The following GSDMD variants were observed in gnomAD, a reference collection of about 807,000 sequenced individuals.
GSDMD encodes gasdermin-D.
A neutral mutation model predicts 46.7 loss-of-function variants in GSDMD; 46 were observed. The observed-to-expected ratio is 0.99, with a 90% confidence interval of 0.78 to 1.26. GSDMD has a LOEUF of 1.26. GSDMD is among the 50% of genes most tolerant of loss of function. The pLI is 0.00. For synonymous variants in GSDMD, 307 were observed against 283.1 expected (o/e 1.08, Z -0.85); for missense variants, 649 against 638.8 (o/e 1.02, Z -0.17).
chr8:143,560,606 C>T lies in GSDMD; in HGVS notation c.414C>T (p.His138=). ...CTTTGCTGCTCCTCGGACACAGGCACCTGCGGCAGCCAGAACACAAAGTCC... is the reference window on the plus strand; with the variant it reads ...CTTTGCTGCTCCTCGGACACAGGCATCTGCGGCAGCCAGAACACAAAGTCC... ...NTWQTLLHER[H]LRQPEHKVLQ... The change falls in exon 4 of 11, where the codon CAC becomes CAT. Residue 138 remains histidine, a synonymous_variant. Transcript: ENST00000262580. 1 of 1,580,276 alleles carries T rather than the reference C, an allele frequency of 6.3e-7. No individual in the cohort carries two copies. The highest frequency in any genetic ancestry group is 8.6e-7 in the Non-Finnish European group (1 of 1,163,268).
Position 143,562,536 on chromosome 8 carries a change from T to C in GSDMD, c.1212+15T>C. The C allele has an allele frequency of 6.2e-7, 1 of 1,605,026 alleles. No homozygotes were observed. Among genetic ancestry groups the C allele is most frequent in the South Asian group, 1.1e-5 (1 of 90,654 alleles). The stretch of plus-strand genomic sequence containing the variant: ...CGCTCGAGCTGGTGAGAGGGTTGGG[T>C]TCGGGCTGCAGGAGGATGGGCTGAG... On this transcript the variant is annotated intron_variant, in intron 10 of 10. Coordinates refer to ENST00000262580, the MANE Select transcript of GSDMD (RefSeq NM_024736.7).
At chr8:143,558,100 G>T (rs1290511121), upstream of GSDMD, 1 of 505,948 alleles carries the variant, frequency 2.0e-6, no homozygotes, top group African/African-American at 2.0e-5. Context: ...CACCATGTTG[G>T]TCAGTCTGGT....
chr8:143,558,166 A>G, upstream of GSDMD: 2 of 711,846 alleles, frequency 2.8e-6, no homozygotes, highest in Non-Finnish European at 2.2e-6. Flanking sequence ...GTTTTAAGAA[A>G]AACCACAAAG....
chr8:143,561,758 G>C lies in GSDMD; in HGVS notation c.753G>C (p.Thr251=), dbSNP rs374696339. ...QPPATGHKRS[T]SEGAWPQLPS... Reference sequence around the variant, plus strand: ...CCTGCCCAGGCCACAAGCGTTCCACGAGCGAAGGCGCCTGGCCACAGCTGC... The same window carrying C: ...CCTGCCCAGGCCACAAGCGTTCCACCAGCGAAGGCGCCTGGCCACAGCTGC... The change falls in exon 7 of 11, where the codon ACG becomes ACC. Residue 251 remains threonine (T), a synonymous_variant. Coordinates refer to ENST00000262580, the MANE Select transcript of GSDMD (RefSeq NM_024736.7). 13 of 1,608,620 alleles carry C rather than the reference G, an allele frequency of 8.1e-6. No individual in the cohort carries two copies. The highest frequency in any genetic ancestry group is 6.7e-5 in the African/African-American group (5 of 74,794).
chr8:143,557,738 C>G, upstream of GSDMD: 1 of 291,928 alleles, frequency 3.4e-6, no homozygotes, highest in Non-Finnish European at 6.8e-6. Context: ...ATACGACCAT[C>G]TTTGTCAGTG....
intron 6 of GSDMD, 24 bp from the exon 7 acceptor site, chr8:143,561,718 C>A: frequency 6.3e-7 from 1 of 1,583,062 alleles, no homozygotes. Flanking sequence ...CTGACCAGCC[C>A]TGCCCTCCCA....
chr8:143,559,765 G>A lies in GSDMD; in HGVS notation c.218-12G>A. Reference sequence around the variant, plus strand: ...GGCGCTGGGCACAGCCTCAGGTCTGGCCTTGCTTTAGACGTGCAGCGTGGC... The same window carrying A: ...GGCGCTGGGCACAGCCTCAGGTCTGACCTTGCTTTAGACGTGCAGCGTGGC... On this transcript the variant is annotated splice_polypyrimidine_tract_variant and intron_variant, in intron 2 of 10. Coordinates refer to ENST00000262580, the MANE Select transcript of GSDMD (RefSeq NM_024736.7). The A allele has an allele frequency of 6.3e-7, 1 of 1,580,988 alleles. No individual in the cohort carries two copies. Among genetic ancestry groups the A allele is most frequent in the Non-Finnish European group, 8.6e-7 (1 of 1,163,634 alleles).
At position 143,559,861 on chromosome 8, in the gene GSDMD, A is replaced by C. The variant is rs751112084; in HGVS notation, c.302A>C (p.Gln101Pro). The change falls in exon 3 of 11, where the codon CAG becomes CCG. Residue 101 changes from glutamine to proline, a missense_variant. Transcript: ENST00000262580. ...AGCGTGGAGCTGGCAGCCCCAGGAC[A>C]GGCAAAGATCGCAGGCGGGGCCGCG... ...QGSVELAAPG[Q>P]AKIAGGAAVS... 5 of 1,612,670 alleles carry C rather than the reference A, an allele frequency of 3.1e-6. No individual in the cohort carries two copies. In the African/African-American group the frequency reaches 4.0e-5, roughly 13 times the overall value.
At chr8:143,557,635 CCA>C (rs1318635513), upstream of GSDMD, among the ~76,000 whole-genome samples, 1 of 152,232 alleles carries the variant, frequency 6.6e-6, no homozygotes. Context: ...CAGGCTTATT[CCA>C]GAGGGCCGCA....
At chr8:143,559,291 C>A in intron 1 of GSDMD, 41 bp from the exon 2 acceptor site, 9 of 753,780 alleles carry the variant, frequency 1.2e-5, no homozygotes, top group South Asian at 9.5e-5. Context: ...CCCTCCCGCC[C>A]GCCCCGAGAG....
Position 143,561,679 on chromosome 8 carries a change from CTCTCTGGCTCAGACACCCT to C in GSDMD, c.737-60_737-42del, listed in dbSNP as rs1823464709. 18 of 1,367,086 alleles carry C rather than the reference CTCTCTGGCTCAGACACCCT, an allele frequency of 1.3e-5. No homozygotes were observed. In the South Asian group the frequency reaches 2.2e-4, roughly 17 times the overall value. 84.7% of individuals were successfully genotyped at this position (1,367,086 alleles called of 1,614,324 possible). ...TGACGGCCTGGGGAAGGCCTCAGCC[CTCTCTGGCTCAGACACCCT>C]TCCCCGGCACTGACCAGCCCTGCCC... is the stretch of plus-strand genomic sequence containing the variant. On this transcript the variant is annotated intron_variant, in intron 6 of 10. Coordinates refer to ENST00000262580, the MANE Select transcript of GSDMD (RefSeq NM_024736.7).
At chr8:143,556,403 G>A (rs542630414), upstream of GSDMD, among the ~76,000 whole-genome samples, 1 of 152,148 alleles carries the variant, frequency 6.6e-6, no homozygotes, top group Non-Finnish European at 1.5e-5. Context: ...AACTTTGCCA[G>A]GTGTGGTGCT....
At chr8:143,554,618 C>T (rs189707453), upstream of GSDMD, among the ~76,000 whole-genome samples, 1 of 150,624 alleles carries the variant, frequency 6.6e-6, no homozygotes, top group Non-Finnish European at 1.5e-5. Context: ...ACACAACACT[C>T]AGGTGCATAA....
intron 1 of GSDMD, 52 bp from the exon 2 acceptor site, chr8:143,559,280 T>TGCGCCC: frequency 1.7e-6 from 1 of 579,430 alleles, no homozygotes; most frequent in Non-Finnish European, 3.2e-6. Flanking sequence ...CTTCTCCCAC[T>TGCGCCC]CCCTCCCGCC....
chr8:143,562,390 G>T, intron 9 of GSDMD, 40 bp downstream of exon 9: 1 of 1,473,132 alleles, frequency 6.8e-7, no homozygotes, highest in Non-Finnish European at 9.2e-7. Flanking sequence ...TGGGAGGGAG[G>T]GAGGTGGGCT....
At chr8:143,556,137 G>C (rs1823293209), upstream of GSDMD, 1 of 152,234 alleles carries the variant, frequency 6.6e-6, no homozygotes, top group Admixed American at 6.5e-5. Flanking sequence ...CTTGAGCCCG[G>C]GAGGCAGAGA....
At chr8:143,558,984 T>A in intron 1 of GSDMD, 1 of 565,470 alleles carries the variant, frequency 1.8e-6, no homozygotes. Context: ...TTGCAGTGGG[T>A]CCCTGCACCA....
In GSDMD at chr8:143,559,453, G is replaced by A. The variant is rs369363029; in HGVS notation, c.118G>A (p.Val40Met). 29 of 1,612,828 alleles carry A rather than the reference G, an allele frequency of 1.8e-5. No homozygotes were observed. Among genetic ancestry groups the A allele is most frequent in the Non-Finnish European group, 2.5e-5 (29 of 1,180,000 alleles). The change falls in exon 2 of 11, where the codon GTG becomes ATG. Residue 40 changes from valine to methionine, a missense_variant. By Grantham distance (21) the Val-to-Met change is conservative (BLOSUM62 1). Transcript: ENST00000262580. ...SSTGFQPYCLVVRKPSSSWFW... is the reference protein window; with the variant it reads ...SSTGFQPYCLMVRKPSSSWFW... ...CACTGGCTTCCAGCCCTACTGCCTG[G>A]TGGTTAGGAAGCCCTCAAGCTCATG...
upstream of GSDMD, chr8:143,555,187 C>T (rs1054892092): frequency 1.3e-5 from 2 of 152,396 alleles, no homozygotes; most frequent in Admixed American, 1.3e-4. Flanking sequence ...GGAAAATCAC[C>T]TAGCAGCAGG....
Sources: allele counts gnomAD v4.1 joint callset (sites outside exome capture counted in the v4.1 genomes callset), GRCh38; gene constraint gnomAD v4.1.1; transcripts MANE v1.5; gene names NCBI Gene and HGNC (gene_info 2026-07-23, HGNC 2026-07-21).